The following GTPBP6 variants were observed in gnomAD, a reference collection of about 807,000 sequenced individuals.
GTPBP6 encodes the protein GTP binding protein 6, also known as putative GTP-binding protein 6.
GTPBP6 carries 33 observed loss-of-function variants against 28.9 expected under a neutral mutation model. The observed-to-expected ratio is 1.14, with a 90% CI of 0.87 to 1.53. GTPBP6 has a LOEUF of 1.53. Among genes scored for constraint, GTPBP6 ranks in the 40% most tolerant of loss-of-function variants. The pLI, the probability that GTPBP6 is intolerant of heterozygous loss-of-function variation, is 0.00. For missense variants in GTPBP6, 507 were observed against 408.3 expected, an observed-to-expected ratio of 1.24 and a Z score of -2.08; for synonymous variants, 231 against 192.7, an observed-to-expected ratio of 1.20 and a Z score of -1.65.
intron 2 of GTPBP6, among the ~76,000 whole-genome samples, chrX:315,683 C>CACGCAG (rs2070420629): frequency 6.0e-5 from 1 of 16,650 alleles, no homozygotes; most frequent in African/African-American, 2.4e-4. Flanking sequence ...GACACAAACA[C>CACGCAG]ATACACACAC....
intron 7 of GTPBP6, among the ~76,000 whole-genome samples, chrX:309,202 C>T (rs994587917): frequency 1.3e-5 from 2 of 152,166 alleles, no homozygotes; most frequent in East Asian, 3.9e-4. Context: ...GTTTTCCTGC[C>T]TTGTTGCTTG....
chrX:313,762 C>T (rs1335430077), intron 5 of GTPBP6, among the ~76,000 whole-genome samples: 1 of 152,140 alleles, frequency 6.6e-6, no homozygotes, highest in Admixed American at 6.6e-5. Flanking sequence ...TGCCTGGAGC[C>T]CCCAGGAGCT....
At chrX:307,061 GCA>G (rs1431610689) in intron 9 of GTPBP6, among the ~76,000 whole-genome samples, 1 of 151,328 alleles carries the variant, frequency 6.6e-6, no homozygotes, top group Non-Finnish European at 1.5e-5. Flanking sequence ...TTACTGTCAA[GCA>G]CAGATTAGGC....
chrX:306,507 GCA>G lies in GTPBP6; in HGVS notation c.1427+851_1427+852del, dbSNP rs1244685840. On this transcript the variant is annotated intron_variant, in intron 9 of 9. Coordinates refer to ENST00000326153, the Ensembl canonical transcript of GTPBP6. ...AGCACACATTAGGCACCTGTTGTATGCACAGTCAGAAATGTACATTTTGTCAG... is the reference window on the plus strand; with the variant it reads ...AGCACACATTAGGCACCTGTTGTATGCAGTCAGAAATGTACATTTTGTCAG... 3.1e-4 allele frequency among the ~76,000 whole-genome samples: 44 copies of G among 144,224 alleles called. 1 individual carries two copies. The highest frequency in any genetic ancestry group is 3.6e-3 in the Middle Eastern group (1 of 274). The allele number at this position is 144,224 out of a possible 152,430, so 94.6% of individuals were successfully genotyped here.
In GTPBP6 at chrX:305,213, C is replaced by G. The variant is rs776654542; in HGVS notation, c.1428-16G>C. 1 of 1,597,054 alleles carries G rather than the reference C, an allele frequency of 6.3e-7. No individual in the cohort carries two copies. Among genetic ancestry groups the G allele is most frequent in the Non-Finnish European group, 8.6e-7 (1 of 1,164,796 alleles). On this transcript the variant is annotated splice_polypyrimidine_tract_variant and intron_variant, in intron 9 of 9. Transcript: ENST00000326153. ...ATACAGCCAGCTGGGCACAGATGCG[C>G]GTTGTATGGAGACAAGCAGAACCCG...
At chrX:313,455 C>T (rs995987621) in intron 5 of GTPBP6, among the ~76,000 whole-genome samples, 3 of 151,506 alleles carry the variant, frequency 2.0e-5, no homozygotes, top group Admixed American at 1.3e-4. Flanking sequence ...GCAGGAAGGA[C>T]CCTGCCCTAG....
rs1483353312 is a variant in GTPBP6 at position 311,214 on chromosome X, G to GC, written c.1125+204_1125+205insG. On this transcript the variant is annotated intron_variant, in intron 7 of 9. Coordinates refer to ENST00000326153, the Ensembl canonical transcript of GTPBP6. ...GTGGGTGTCTGAGGGCCCGGCCCCT[G>GC]GCTTTGTGTGTGTCTGAGTGCCTGG... Among the ~76,000 whole-genome samples the GC allele has an allele frequency of 7.3e-3, 1,099 of 150,984 alleles. 36 individuals are homozygous for GC. Among genetic ancestry groups the GC allele is most frequent in the African/African-American group, 0.026 (1,057 of 40,626 alleles).
exon 1 of GTPBP6, chrX:318,583 C>A (rs1196919825): frequency 7.5e-6 from 3 of 398,092 alleles, no homozygotes; most frequent in African/African-American, 6.2e-5. Context: ...TCCTCCTCGT[C>A]GTCTCCCGTG....
In GTPBP6 at chrX:312,802, A is replaced by G. The variant is rs777311366; in HGVS notation, c.880T>C (p.Phe294Leu). Residue 294 changes from phenylalanine to leucine, a missense_variant, in exon 6 of 10, where the codon TTC (phenylalanine) becomes CTC (leucine). Physicochemically the swap from Phe to Leu is conservative, Grantham distance 22 (BLOSUM62 0). Coordinates refer to ENST00000326153, the Ensembl canonical transcript of GTPBP6. Reference sequence around the variant, plus strand: ...TACCCCACCACGGAGATCACGGGGAACTCCCGCCTCGTCCGCTGCCGGCGG... The same window carrying G: ...TACCCCACCACGGAGATCACGGGGAGCTCCCGCCTCGTCCGCTGCCGGCGG... The G allele has an allele frequency of 2.5e-6, 4 of 1,612,184 alleles. No individual in the cohort carries two copies. The South Asian group carries it at 3.3e-5, about 13-fold the overall frequency.
rs368609482 is a variant in GTPBP6, at chrX:308,436, T to C, written c.1126-556A>G. Among the ~76,000 whole-genome samples, 164 of 152,288 alleles carry C rather than the reference T, an allele frequency of 1.1e-3. No homozygotes were observed. The Middle Eastern group carries it at 0.017, about 16-fold the overall frequency. On this transcript the variant is annotated intron_variant, in intron 7 of 9. Coordinates refer to ENST00000326153, the Ensembl canonical transcript of GTPBP6. ...CACTTAATACAAATAATATTTTTCC[T>C]GTAACTGAGGCACTTTGGGAGGTGG...
chrX:311,607 C>T (rs780800875), exon 7 of GTPBP6: 3 of 1,612,022 alleles, frequency 1.9e-6, no homozygotes, highest in Admixed American at 3.3e-5. Context: ...CCCGTCAGTG[C>T]CTTGATCAGC....
At chrX:317,243 G>C (rs2070455142) in intron 1 of GTPBP6, among the ~76,000 whole-genome samples, 192 bp from the exon 2 acceptor site, 1 of 152,258 alleles carries the variant, frequency 6.6e-6, no homozygotes, top group East Asian at 1.9e-4. Context: ...AAGGACACCG[G>C]AGCCACAGCG....
At position 307,468 on chromosome X, in the gene GTPBP6, C is replaced by T. The variant is rs187095640; in HGVS notation, c.1319G>A (p.Arg440Gln). ...TTTCAGCTCCTGGAGCCCGTGGCCC[C>T]GCAGGGCAGACACGGGCACGACGTT... is the stretch of plus-strand genomic sequence containing the variant. Residue 440 changes from arginine (R) to glutamine (Q), a missense_variant, in exon 9 of 10, where the codon CGG (arginine) becomes CAG (glutamine). By Grantham distance (43) the Arg-to-Gln change is conservative (BLOSUM62 1). Transcript: ENST00000326153. The T allele has an allele frequency of 1.8e-4, 292 of 1,611,284 alleles. 1 individual carries two copies. In the African/African-American group the frequency reaches 3.2e-3, roughly 18 times the overall value.
At chrX:307,047 A>AT (rs1808261331) in intron 9 of GTPBP6, among the ~76,000 whole-genome samples, 1 of 150,434 alleles carries the variant, frequency 6.6e-6, no homozygotes, top group Non-Finnish European at 1.5e-5. Flanking sequence ...TCAGAAATGT[A>AT]TTTTTACTGT....
intron 7 of GTPBP6, 94 bp from the exon 8 acceptor site, chrX:307,974 C>T (rs907044468): frequency 2.6e-6 from 3 of 1,144,248 alleles, no homozygotes; most frequent in African/African-American, 3.2e-5. Context: ...ACACGAGCTC[C>T]CAACGACAGG....
chrX:313,763 C>T (rs2070364795), intron 5 of GTPBP6, among the ~76,000 whole-genome samples: 1 of 152,114 alleles, frequency 6.6e-6, no homozygotes, highest in Non-Finnish European at 1.5e-5. Flanking sequence ...GCCTGGAGCC[C>T]CCAGGAGCTG....
chrX:314,068 TCTTCCAGGG>T, intron 5 of GTPBP6, 73 bp downstream of exon 5: 6 of 1,081,380 alleles, frequency 5.5e-6, no homozygotes, highest in Non-Finnish European at 8.5e-6. Flanking sequence ...CCTGTTGGAA[TCTTCCAGGG>T]CTGAGAAGGG....
chrX:313,216 C>G (rs747696300), intron 5 of GTPBP6, among the ~76,000 whole-genome samples: 1 of 152,244 alleles, frequency 6.6e-6, no homozygotes, highest in Admixed American at 6.5e-5. Context: ...GAGCGGGACA[C>G]GGCCCAGGAC....
At chrX:315,070 G>C (rs1260665697) in intron 3 of GTPBP6, 50 bp from the exon 4 acceptor site, 3 of 398,632 alleles carry the variant, frequency 7.5e-6, no homozygotes, top group African/African-American at 6.2e-5. Flanking sequence ...GCCGGGCCCT[G>C]GTGGCCAATG....
Sources: gnomAD v4.1 joint callset for allele counts (sites outside exome capture counted in the v4.1 genomes callset) on GRCh38, gnomAD v4.1.1 for gene constraint, MANE v1.5 for transcripts, NCBI Gene and HGNC (gene_info 2026-07-23, HGNC 2026-07-21) for gene names.